The following SLC14A2 variants were observed in gnomAD, a reference collection of about 807,000 sequenced individuals.
SLC14A2 encodes solute carrier family 14 member 2, also known as urea transporter 2.
Under a neutral mutation model 104.6 loss-of-function variants are expected in SLC14A2, and 91 were observed. The observed-to-expected ratio is 0.87, with a 90% confidence interval of 0.73 to 1.04. The LOEUF is 1.04. Among genes scored for constraint, SLC14A2 ranks in the 50% least tolerant of loss-of-function variants. The probability of loss-of-function intolerance (pLI) is 0.00; values close to 1 mark genes in which losing one functional copy is unlikely to be tolerated. For synonymous variants in SLC14A2, 476 were observed against 466.4 expected, an observed-to-expected ratio of 1.02 and a Z score of -0.27; for missense variants, 1,189 against 1,156.0, an observed-to-expected ratio of 1.03 and a Z score of -0.41.
intron 11 of SLC14A2, 22 bp downstream of exon 11, chr18:45,663,929 C>T (rs762901078): frequency 5.6e-6 from 9 of 1,595,772 alleles, no homozygotes; most frequent in Admixed American, 1.7e-5. Flanking sequence ...CTCCCCCTCA[C>T]GCTTGGATCC....
chr18:45,319,140 G>A (rs1325415874), intron 1 of SLC14A2, among the ~76,000 whole-genome samples: 2 of 152,070 alleles, frequency 1.3e-5, no homozygotes, highest in African/African-American at 2.4e-5. Context: ...TTCTCCATGA[G>A]CCCCAGCTCC....
At chr18:45,456,103 C>T (rs2086939008) in intron 1 of SLC14A2, among the ~76,000 whole-genome samples, 1 of 152,140 alleles carries the variant, frequency 6.6e-6, no homozygotes, top group Admixed American at 6.5e-5. Flanking sequence ...TGTTTAGAAG[C>T]TCCCTGGCCT....
intron 10 of SLC14A2, among the ~76,000 whole-genome samples, chr18:45,644,861 TTTTTAA>T (rs968022050): frequency 2.1e-3 from 319 of 152,268 alleles, no homozygotes; most frequent in Non-Finnish European, 3.6e-3. Flanking sequence ...AAATTTAATT[TTTTTAA>T]TTTTAAGTTC....
intron 1 of SLC14A2, among the ~76,000 whole-genome samples, chr18:45,338,210 A>AT (rs972893332): frequency 1.5e-4 from 22 of 151,372 alleles, no homozygotes; most frequent in East Asian, 1.9e-4. Flanking sequence ...TTGTTTTTTG[A>AT]TTTTTTTTGA....
At chr18:45,472,358 G>A (rs2087266742) in intron 1 of SLC14A2, among the ~76,000 whole-genome samples, 1 of 152,158 alleles carries the variant, frequency 6.6e-6, no homozygotes, top group South Asian at 2.1e-4. Flanking sequence ...TGTCTTTATA[G>A]TGGCATGATT....
chr18:45,246,145 T>G (rs2084365255), intron 1 of SLC14A2, among the ~76,000 whole-genome samples: 1 of 152,104 alleles, frequency 6.6e-6, no homozygotes, highest in African/African-American at 2.4e-5. Context: ...AGGACTTGTA[T>G]CCTTACAAAA....
chr18:45,318,334 T>G (rs1174277226), intron 1 of SLC14A2, among the ~76,000 whole-genome samples: 2 of 152,144 alleles, frequency 1.3e-5, no homozygotes, highest in African/African-American at 4.8e-5. Flanking sequence ...GGGATGCTTT[T>G]CTCAGCACTG....
At position 45,533,012 on chromosome 18, in the gene SLC14A2, G is replaced by A. The variant is rs200270255; in HGVS notation, c.-35+49690G>A. Among the ~76,000 whole-genome samples, 1,858 of 151,512 alleles carry A rather than the reference G, an allele frequency of 0.012. 128 individuals carry two copies. In the East Asian group the frequency reaches 0.23, roughly 19 times the overall value. The stretch of plus-strand genomic sequence containing the variant: ...TGCTGGATTACGTTTATTGATTTGC[G>A]TATGTTGAACCAGCCTTGCATCCCA... On this transcript the variant is annotated intron_variant, in intron 2 of 20. Coordinates refer to the SLC14A2 transcript ENST00000586448.
intron 1 of SLC14A2, among the ~76,000 whole-genome samples, chr18:45,615,836 TGAGAGAGAGAGAGAGA>T (rs779783446): frequency 3.4e-5 from 5 of 148,582 alleles, no homozygotes; most frequent in Non-Finnish European, 1.5e-5. Flanking sequence ...TGTGTGTGTG[TGAGAGAGAGAGAGAGA>T]GAGAGAGGGA....
chr18:45,545,339 G>A (rs536278312), intron 2 of SLC14A2, among the ~76,000 whole-genome samples: 2 of 152,336 alleles, frequency 1.3e-5, no homozygotes, highest in East Asian at 3.9e-4. Context: ...TCTTTTTGCT[G>A]TAGTCCCTCC....
intron 1 of SLC14A2, among the ~76,000 whole-genome samples, chr18:45,333,621 T>C (rs1406784038): frequency 6.6e-6 from 1 of 152,204 alleles, no homozygotes; most frequent in African/African-American, 2.4e-5. Flanking sequence ...ATGAAGAACA[T>C]CACCTTTTTG....
chr18:45,243,550 CAT>C (rs1200001758), intron 1 of SLC14A2, among the ~76,000 whole-genome samples: 1 of 152,204 alleles, frequency 6.6e-6, no homozygotes, highest in African/African-American at 2.4e-5. Context: ...AAAAACATCA[CAT>C]ATCTGAACAG....
chr18:45,570,990 T>C (rs1189772158), intron 2 of SLC14A2, among the ~76,000 whole-genome samples: 1 of 152,204 alleles, frequency 6.6e-6, no homozygotes, highest in Non-Finnish European at 1.5e-5. Flanking sequence ...ACATTGTATA[T>C]GAGTTGTTAA....
At chr18:45,538,527 C>T (rs2043832661) in intron 2 of SLC14A2, among the ~76,000 whole-genome samples, 1 of 152,190 alleles carries the variant, frequency 6.6e-6, no homozygotes, top group South Asian at 2.1e-4. Context: ...GCTGCTGGCC[C>T]CAGGCTTCAG....
intron 2 of SLC14A2, among the ~76,000 whole-genome samples, chr18:45,537,049 CCCTCCCTCCCTCCCTCCCTT>C (rs2043801763): frequency 2.6e-5 from 3 of 114,348 alleles, no homozygotes; most frequent in African/African-American, 1.0e-4. Flanking sequence ...CTCCCTCCCT[CCCTCCCTCCCTCCCTCCCTT>C]CCTTCCTTCC....
At chr18:45,650,860 C>T (rs2045723873) in intron 10 of SLC14A2, among the ~76,000 whole-genome samples, 1 of 152,128 alleles carries the variant, frequency 6.6e-6, no homozygotes, top group African/African-American at 2.4e-5. Context: ...CTGCCTCAGC[C>T]TCTTGAGTAG....
intron 19 of SLC14A2, among the ~76,000 whole-genome samples, chr18:45,681,428 C>T (rs1231504445): frequency 1.3e-5 from 2 of 152,260 alleles, no homozygotes; most frequent in African/African-American, 2.4e-5. Flanking sequence ...TGATGTGCCT[C>T]GTAACTGAAG....
chr18:45,381,467 A>C (rs1182696526), intron 1 of SLC14A2, among the ~76,000 whole-genome samples: 1 of 152,130 alleles, frequency 6.6e-6, no homozygotes, highest in African/African-American at 2.4e-5. Context: ...AACTGCATAA[A>C]CCACAAAGAC....
chr18:45,343,629 T>A (rs2085419142), intron 1 of SLC14A2, among the ~76,000 whole-genome samples: 1 of 152,210 alleles, frequency 6.6e-6, no homozygotes, highest in South Asian at 2.1e-4. Flanking sequence ...AGGGGGAAGA[T>A]GATAGCAATA....
Sources: gnomAD v4.1 joint callset for allele counts (sites outside exome capture counted in the v4.1 genomes callset) on GRCh38, gnomAD v4.1.1 for gene constraint, MANE v1.5 for transcripts, NCBI Gene and HGNC (gene_info 2026-07-23, HGNC 2026-07-21) for gene names.